The following CPXM2 variants were observed in gnomAD, a reference collection of about 807,000 sequenced individuals.
CPXM2 encodes the protein carboxypeptidase X, M14 family member 2.
In CPXM2, 66 loss-of-function variants were observed where a neutral mutation model predicts 86.1. The ratio of observed to expected loss-of-function variants is 0.77; its 90% CI spans 0.63 to 0.94. The LOEUF is 0.94. Ranked by LOEUF, CPXM2 falls within the 40% of genes least tolerant of loss-of-function variation. CPXM2 has a pLI of 0.00. For missense variants in CPXM2, 948 were observed against 1,026.3 expected (o/e 0.92, Z 1.04); for synonymous variants, 388 against 400.2 (o/e 0.97, Z 0.36).
chr10:123,799,826 G>C (rs1470285181), intron 4 of CPXM2, among the ~76,000 whole-genome samples: 1 of 151,998 alleles, frequency 6.6e-6, no homozygotes, highest in African/African-American at 2.4e-5. Flanking sequence ...AATTTCTGGG[G>C]GTAAATTAGC....
rs989815067 is a variant in CPXM2, at chr10:123,886,362, G to A, written c.304+4994C>T. Among the ~76,000 whole-genome samples the A allele has an allele frequency of 3.3e-5, 5 of 152,272 alleles. No individual in the cohort carries two copies. In the South Asian group the frequency reaches 1.0e-3, roughly 32 times the overall value. On this transcript the variant is annotated intron_variant, in intron 1 of 13. Transcript: ENST00000241305. ...CAGCAAAACACACTGAAAAGAGAAG[G>A]AAAGCTTAAATGTGAAGCCCTTTTC...
intron 7 of CPXM2, among the ~76,000 whole-genome samples, chr10:123,776,239 A>G (rs902038659): frequency 1.1e-4 from 17 of 152,196 alleles, no homozygotes; most frequent in African/African-American, 2.9e-4. Context: ...AAGAAGTCTG[A>G]AAAGTCTCCC....
chr10:123,785,613 T>C (rs899831918), intron 6 of CPXM2, among the ~76,000 whole-genome samples: 2 of 151,468 alleles, frequency 1.3e-5, no homozygotes, highest in African/African-American at 4.8e-5. Flanking sequence ...CTTAATCATG[T>C]GGCTTAAATC....
chr10:123,777,598 T>C, intron 7 of CPXM2: 1 of 153,540 alleles, frequency 6.5e-6, no homozygotes, highest in Non-Finnish European at 1.5e-5. Flanking sequence ...AGGACCAGCC[T>C]CCTCCTAGCT....
intron 2 of CPXM2, among the ~76,000 whole-genome samples, chr10:123,900,417 G>A (rs1329042767): frequency 6.6e-6 from 1 of 152,212 alleles, no homozygotes; most frequent in Admixed American, 6.5e-5. Context: ...GCTATGAACA[G>A]GCTATTTACA....
Position 123,746,639 on chromosome 10 carries a change from C to T in CPXM2, c.*125G>A. Reference sequence around the variant, plus strand: ...CCCTTTTGGGACCTGCCTCACAATGCACCCTCTCTTCCAGGCACTTCTTGA... The same window carrying T: ...CCCTTTTGGGACCTGCCTCACAATGTACCCTCTCTTCCAGGCACTTCTTGA... On this transcript the variant is annotated 3_prime_UTR_variant, in exon 14 of 14. Coordinates refer to ENST00000241305, the MANE Select transcript of CPXM2 (RefSeq NM_198148.3). The T allele has an allele frequency of 1.1e-6, 1 of 920,816 alleles. No homozygotes were observed. 57.0% of individuals were successfully genotyped at this position (920,816 alleles called of 1,614,324 possible).
rs1014536981 is a variant in CPXM2, at chr10:123,842,440, T to C, written c.562A>G (p.Arg188Gly). 3.1e-6 allele frequency: 5 copies of C among 1,614,174 alleles called. No individual in the cohort carries two copies. The highest frequency in any genetic ancestry group is 3.3e-5 in the Admixed American group (2 of 60,030). ...TCAATCCACTGCTGGAGGTCATTTC[T>C]TCCCGCGCACCACGCTCCGTCATAA... ...DFYDGAWCAG[R>G]NDLQQWIEVD... Residue 188 changes from arginine (R) to glycine (G), a missense_variant, in exon 4 of 14, where the codon AGA (arginine) becomes GGA (glycine). By Grantham distance (125) the Arg-to-Gly change is moderately radical. Transcript: ENST00000241305.
upstream of CPXM2, among the ~76,000 whole-genome samples, chr10:123,893,405 G>A (rs1945304896): frequency 2.0e-5 from 3 of 152,150 alleles, no homozygotes; most frequent in Non-Finnish European, 4.4e-5. Flanking sequence ...CTCTTTCTGC[G>A]CAGGCCACTC....
In CPXM2 at chr10:123,881,260, T is replaced by TCCTC. The variant is rs1945088121; in HGVS notation, c.305-952_305-951insGAGG. Among the ~76,000 whole-genome samples the TCCTC allele has an allele frequency of 8.8e-5, 4 of 45,592 alleles. 1 individual carries two copies. The highest frequency in any genetic ancestry group is 6.3e-4 in the African/African-American group (4 of 6,328). The allele number at this position is 45,592 out of a possible 152,430, so 29.9% of individuals were successfully genotyped here. ...TCCCTTCCCTTCCCTTCCCTTCCCT[T>TCCTC]CCCTTTACGCTCAAGCTAATTAGCT... On this transcript the variant is annotated intron_variant, in intron 1 of 13. Coordinates refer to ENST00000241305, the MANE Select transcript of CPXM2 (RefSeq NM_198148.3).
intron 4 of CPXM2, among the ~76,000 whole-genome samples, chr10:123,838,199 T>C (rs1446404939): frequency 1.3e-5 from 2 of 152,234 alleles, no homozygotes; most frequent in Non-Finnish European, 2.9e-5. Context: ...CGATGGCTCA[T>C]GCCTGCAATC....
intron 4 of CPXM2, among the ~76,000 whole-genome samples, chr10:123,809,535 T>A (rs776256125): frequency 3.9e-5 from 6 of 152,094 alleles, no homozygotes; most frequent in Non-Finnish European, 5.9e-5. Flanking sequence ...TAGATATAAA[T>A]ACACTCATGT....
chr10:123,768,348 T>C, intron 9 of CPXM2, 178 bp downstream of exon 9: 1 of 319,596 alleles, frequency 3.1e-6, no homozygotes, highest in Non-Finnish European at 5.4e-6. Flanking sequence ...TACTCCAGCC[T>C]GGGCAACAGA....
chr10:123,774,784 C>A (rs930677856), intron 7 of CPXM2, among the ~76,000 whole-genome samples: 1 of 152,212 alleles, frequency 6.6e-6, no homozygotes, highest in Non-Finnish European at 1.5e-5. Flanking sequence ...AGAAACCCAT[C>A]ATAAACGGAG....
At chr10:123,932,358 C>G (rs79048659) in intron 2 of CPXM2, among the ~76,000 whole-genome samples, 9,418 of 152,288 alleles carry the variant, frequency 0.062, 554 homozygotes, top group African/African-American at 0.16. Context: ...GAGCACCTCA[C>G]TCCAGACTTG....
At chr10:123,815,020 G>A (rs965882341) in intron 4 of CPXM2, among the ~76,000 whole-genome samples, 15 of 152,038 alleles carry the variant, frequency 9.9e-5, no homozygotes, top group African/African-American at 3.1e-4. Context: ...GTGGGACCTC[G>A]TCTAAAAAAG....
intron 4 of CPXM2, among the ~76,000 whole-genome samples, chr10:123,806,878 G>A (rs138249695): frequency 2.6e-5 from 4 of 152,216 alleles, no homozygotes; most frequent in South Asian, 2.1e-4. Flanking sequence ...TCCCCTACAC[G>A]TAGGGATTAC....
intron 1 of CPXM2, among the ~76,000 whole-genome samples, chr10:123,884,986 C>G (rs1381779929): frequency 6.6e-6 from 1 of 152,232 alleles, no homozygotes; most frequent in Non-Finnish European, 1.5e-5. Context: ...CTGGTAACAG[C>G]AGCAGGTGGG....
intron 3 of CPXM2, among the ~76,000 whole-genome samples, chr10:123,846,797 G>A (rs76387478): frequency 7.9e-4 from 120 of 152,186 alleles, no homozygotes; most frequent in Non-Finnish European, 1.4e-3. Flanking sequence ...TAACAGAAAC[G>A]TAAAACACAA....
chr10:123,913,975 C>T (rs1046836600), intron 2 of CPXM2: 17 of 478,980 alleles, frequency 3.5e-5, no homozygotes, highest in African/African-American at 2.0e-5. Context: ...GAGTGAGCAC[C>T]AGAGTCAGGC....
Sources: gnomAD v4.1 joint callset for allele counts (sites outside exome capture counted in the v4.1 genomes callset) on GRCh38, gnomAD v4.1.1 for gene constraint, MANE v1.5 for transcripts, NCBI Gene and HGNC (gene_info 2026-07-23, HGNC 2026-07-21) for gene names.